Variants in FLNA observed in about 807,000 individuals in gnomAD.
FLNA encodes filamin A.
FLNA carries 7 observed loss-of-function variants against 157.6 expected under a neutral mutation model. The ratio of observed to expected loss-of-function variants is 0.04; its 90% CI spans 0.03 to 0.08. The LOEUF (loss-of-function observed/expected upper bound fraction) is 0.08. FLNA is among the 10% of genes least tolerant of loss of function. The pLI is 1.00. For synonymous variants in FLNA, 1,103 were observed against 1,060.8 expected, an observed-to-expected ratio of 1.04 and a Z score of -0.77; for missense variants, 1,750 against 2,398.4, an observed-to-expected ratio of 0.73 and a Z score of 5.65.
chrX:154,370,777 C>T, intron 2 of FLNA, 96 bp downstream of exon 2: 1 of 973,773 alleles, frequency 1.0e-6, no homozygotes, highest in South Asian at 2.2e-5. Flanking sequence ...GCGCTGCGGC[C>T]CGGAAGGGGG....
At chrX:154,349,058 G>C (rs781921659) in intron 47 of FLNA, 22 bp from the exon 48 acceptor site, 1 of 1,177,429 alleles carries the variant, frequency 8.5e-7, no homozygotes, top group African/African-American at 1.8e-5. Context: ...GGGGTCCTCA[G>C]TCCCAGGTCC....
intron 30 of FLNA, among the ~76,000 whole-genome samples, chrX:154,356,146 C>T: frequency 8.9e-6 from 1 of 112,242 alleles, no homozygotes; most frequent in South Asian, 3.7e-4. Flanking sequence ...GGGCCCCAAC[C>T]TCACAGGTAC....
At chrX:154,356,196 C>T (rs1355407469) in intron 30 of FLNA, among the ~76,000 whole-genome samples, 5 of 112,210 alleles carry the variant, frequency 4.5e-5, no homozygotes, top group African/African-American at 1.6e-4. Context: ...CCCAGCCAAC[C>T]GCAGGTCTCA....
chrX:154,370,797 G>A (rs1183786699), intron 2 of FLNA, 76 bp downstream of exon 2: 2 of 1,100,346 alleles, frequency 1.8e-6, no homozygotes, highest in South Asian at 1.9e-5. Context: ...GTGGTTTGGA[G>A]GGGTCCGCCC....
In FLNA at chrX:154,366,783, G is replaced by T. The variant is rs782475689; in HGVS notation, c.936C>A (p.Gly312=). The change falls in exon 6 of 48, where the codon GGC becomes GGA. Residue 312 remains glycine (G), a synonymous_variant. Transcript: ENST00000369850. Reference sequence around the variant, plus strand: ...CCACGTACACCAGCACCTCTCCCTGGCCAGCACTTCTGGTCTCCACAGTGA... The same window carrying T: ...CCACGTACACCAGCACCTCTCCCTGTCCAGCACTTCTGGTCTCCACAGTGA... ...AEFTVETRSA[G]QGEVLVYVED... The T allele has an allele frequency of 1.2e-5, 14 of 1,210,218 alleles. No homozygotes were observed. The highest frequency in any genetic ancestry group is 2.2e-5 in the Admixed American group (1 of 45,939).
rs372256305 is a variant in FLNA, at chrX:154,351,413, T to C, written c.7023+168A>G. Reference sequence around the variant, plus strand: ...AAAACTCCACGTGGTGGGCAGGATATTTCCTGCCGACCCCAAGCGTGGGCT... The same window carrying C: ...AAAACTCCACGTGGTGGGCAGGATACTTCCTGCCGACCCCAAGCGTGGGCT... On this transcript the variant is annotated intron_variant, in intron 43 of 47. Coordinates refer to ENST00000369850, the MANE Select transcript of FLNA (RefSeq NM_001110556.2). 6.9e-5 allele frequency: 31 copies of C among 451,676 alleles called. No individual in the cohort carries two copies. The Admixed American group carries it at 7.8e-4, about 11-fold the overall frequency. The allele number at this position is 451,676 out of a possible 1,213,427, so 37.2% of individuals were successfully genotyped here.
In FLNA at chrX:154,361,393, T is replaced by C; in HGVS notation, c.3122A>G (p.Tyr1041Cys). ...VRFLPREEGP[Y>C]EVEVTYDGVP... ...GCCGTCATAGGTCACCTCCACCTCA[T>C]AGGGCCCTTCCTCACGGGGCAGGAA... Residue 1041 changes from tyrosine to cysteine, a missense_variant, in exon 21 of 48, where the codon TAT becomes TGT. Tyr to Cys is a radical substitution (Grantham distance 194). Coordinates refer to ENST00000369850, the MANE Select transcript of FLNA (RefSeq NM_001110556.2). 1.7e-6 allele frequency: 2 copies of C among 1,210,421 alleles called. No homozygotes were observed. The highest frequency in any genetic ancestry group is 2.2e-6 in the Non-Finnish European group (2 of 895,250).
Position 154,360,601 on chromosome X carries a change from G to C in FLNA, c.3208-14C>G, listed in dbSNP as rs782254030. The C allele has an allele frequency of 8.4e-7, 1 of 1,184,147 alleles. No individual in the cohort carries two copies. The highest frequency in any genetic ancestry group is 2.2e-5 in the Admixed American group (1 of 45,629). On this transcript the variant is annotated splice_polypyrimidine_tract_variant and intron_variant, in intron 21 of 47. Coordinates refer to ENST00000369850, the MANE Select transcript of FLNA (RefSeq NM_001110556.2). ...AAACGCCTTCACCTGAGGGAAGAAG[G>C]GGTCAGGAGCCAAGGCCACACTATG...
chrX:154,365,252 C>T lies in FLNA; in HGVS notation c.1575G>A (p.Glu525=). The change falls in exon 11 of 48, where the codon GAG becomes GAA. Residue 525 remains glutamate, a synonymous_variant. Coordinates refer to ENST00000369850, the MANE Select transcript of FLNA (RefSeq NM_001110556.2). ...CCAGGTCCTTCTGCTTCACGCGCTC[C>T]TCTCCCTCTGCCAAGACAAGGAGGG... ...LKVTVKGPKG[E]ERVKQKDLGD... is the part of the protein sequence containing the mutation. 2 of 1,211,968 alleles carry T rather than the reference C, an allele frequency of 1.7e-6. No homozygotes were observed. Among genetic ancestry groups the T allele is most frequent in the Non-Finnish European group, 2.2e-6 (2 of 895,580 alleles).
At position 154,358,329 on chromosome X, in the gene FLNA, G is replaced by A. The variant is rs782281134; in HGVS notation, c.4625C>T (p.Thr1542Ile). Residue 1542 changes from threonine (T) to isoleucine (I), a missense_variant, in exon 28 of 48, where the codon ACT becomes ATT. Physicochemically the swap from Thr to Ile is moderately conservative, Grantham distance 89. Coordinates refer to ENST00000369850, the MANE Select transcript of FLNA (RefSeq NM_001110556.2). ...GGCCTTCACCTTGCTGGCATCATGA[G>A]TAGGCAGCACCTTGACCTTGAAGGG... ...RSPFKVKVLP[T>I]HDASKVKASG... The A allele has an allele frequency of 5.0e-6, 6 of 1,210,142 alleles. No homozygotes were observed. In the Admixed American group the frequency reaches 1.3e-4, roughly 26 times the overall value.
chrX:154,357,897 C>T (rs1219728823), intron 28 of FLNA, among the ~76,000 whole-genome samples: 1 of 112,681 alleles, frequency 8.9e-6, no homozygotes, highest in East Asian at 2.8e-4. Context: ...GAGGAGCTCA[C>T]CGGGGTGATC....
chrX:154,357,784 A>G lies in FLNA; in HGVS notation c.4756-161T>C, dbSNP rs1413632203. Among the ~76,000 whole-genome samples the G allele has an allele frequency of 6.2e-5, 7 of 112,699 alleles. No individual in the cohort carries two copies. In the East Asian group the frequency reaches 1.7e-3, roughly 27 times the overall value. On this transcript the variant is annotated intron_variant, in intron 28 of 47. Coordinates refer to ENST00000369850, the MANE Select transcript of FLNA (RefSeq NM_001110556.2). ...CAAAAGGGCTGCCTGCACCTGGCAG[A>G]GTCCAGAATGGAGACTAAAACATCC... is the stretch of plus-strand genomic sequence containing the variant.
chrX:154,357,761 A>G (rs1288467686), intron 28 of FLNA, 138 bp from the exon 29 acceptor site: 1 of 587,487 alleles, frequency 1.7e-6, no homozygotes. Flanking sequence ...CTATGGCCCA[A>G]AAGGGCTGCC....
At chrX:154,374,043 A>G (rs1198606483) in intron 1 of FLNA, among the ~76,000 whole-genome samples, 2 of 112,470 alleles carry the variant, frequency 1.8e-5, no homozygotes, top group Non-Finnish European at 3.8e-5. Flanking sequence ...CCCTGTGCCC[A>G]AAGCAGCTGG....
chrX:154,365,851 G>A lies in FLNA; in HGVS notation c.1429+173C>T, dbSNP rs1449137048. ...GAGAGATGGAGAGGGGCGAGGAGAGGAGAGGAGGAAGGGCCCCAGCAGGGG... is the reference window on the plus strand; with the variant it reads ...GAGAGATGGAGAGGGGCGAGGAGAGAAGAGGAGGAAGGGCCCCAGCAGGGG... On this transcript the variant is annotated intron_variant, in intron 9 of 47. Coordinates refer to ENST00000369850, the MANE Select transcript of FLNA (RefSeq NM_001110556.2). 1.4e-4 allele frequency among the ~76,000 whole-genome samples: 16 copies of A among 112,669 alleles called. No homozygotes were observed. The Admixed American group carries it at 1.5e-3, about 10-fold the overall frequency.
intron 30 of FLNA, among the ~76,000 whole-genome samples, chrX:154,355,407 A>C (rs1435768041): frequency 8.8e-6 from 1 of 113,742 alleles, no homozygotes; most frequent in Non-Finnish European, 1.9e-5. Context: ...CATGGCCCAC[A>C]CTGCTGAACG....
At position 154,350,178 on chromosome X, in the gene FLNA, C is replaced by G; in HGVS notation, c.7186G>C (p.Glu2396Gln). 1 of 1,211,869 alleles carries G rather than the reference C, an allele frequency of 8.3e-7. No homozygotes were observed. Among genetic ancestry groups the G allele is most frequent in the Non-Finnish European group, 1.1e-6 (1 of 895,485 alleles). Residue 2396 changes from glutamate to glutamine, a missense_variant, in exon 45 of 48, where the codon GAG (glutamate) becomes CAG (glutamine). By Grantham distance (29) the Glu-to-Gln change is conservative. Around this residue, in one of 5 missense-constraint regions of FLNA, gnomAD observed 970 missense variants for 1,302.6 expected, o/e 0.74. Transcript: ENST00000369850. ...DKYAVRFIPR[E>Q]NGVYLIDVKF... ...ACGTCAATCAGGTAAACGCCATTCTCCCGAGGGATGAAGCGCACAGCATAC... is the reference window on the plus strand; with the variant it reads ...ACGTCAATCAGGTAAACGCCATTCTGCCGAGGGATGAAGCGCACAGCATAC...
intron 9 of FLNA, 133 bp downstream of exon 9, chrX:154,365,891 G>A: frequency 1.9e-6 from 1 of 528,966 alleles, no homozygotes; most frequent in South Asian, 3.0e-5. Flanking sequence ...AAAACAGCAT[G>A]TGCCCAGACA....
In FLNA at chrX:154,360,593, G is replaced by A; in HGVS notation, c.3208-6C>T. 1 of 1,193,398 alleles carries A rather than the reference G, an allele frequency of 8.4e-7. No homozygotes were observed. Among genetic ancestry groups the A allele is most frequent in the Non-Finnish European group, 1.1e-6 (1 of 885,917 alleles). On this transcript the variant is annotated splice_polypyrimidine_tract_variant and splice_region_variant and intron_variant, in intron 21 of 47. Transcript: ENST00000369850. The stretch of plus-strand genomic sequence containing the variant: ...CCCGGCCCAAACGCCTTCACCTGAG[G>A]GAAGAAGGGGTCAGGAGCCAAGGCC...
Sources: allele counts gnomAD v4.1 joint callset (sites outside exome capture counted in the v4.1 genomes callset), GRCh38; gene constraint gnomAD v4.1.1; regional missense constraint gnomAD v4.1.1; transcripts MANE v1.5; gene names NCBI Gene and HGNC (gene_info 2026-07-23, HGNC 2026-07-21).